The following FAM81A variants were observed in gnomAD, a reference collection of about 807,000 sequenced individuals.
FAM81A encodes the protein protein FAM81A.
A neutral mutation model predicts 46.7 loss-of-function variants in FAM81A; 19 were observed. That is an observed-to-expected ratio of 0.41 (90% confidence interval 0.28 to 0.60). The LOEUF (loss-of-function observed/expected upper bound fraction) is 0.60, where lower values mean the gene tolerates loss of function less well. FAM81A is among the 20% of genes least tolerant of loss of function. FAM81A has a pLI of 0.34. For missense variants in FAM81A, 377 were observed against 453.5 expected (o/e 0.83, Z 1.53); for synonymous variants, 183 against 152.9 (o/e 1.20, Z -1.45).
rs76903252 is a variant in FAM81A at position 59,450,974 on chromosome 15, C to G, written c.-77-7576C>G. ...GCAAGTCACAGGTCCCACCCACACTCAAAGGGAGAGGACCATGCAAGGTGT... is the reference window on the plus strand; with the variant it reads ...GCAAGTCACAGGTCCCACCCACACTGAAAGGGAGAGGACCATGCAAGGTGT... On this transcript the variant is annotated intron_variant, in intron 1 of 8. Coordinates refer to ENST00000288228, the MANE Select transcript of FAM81A (RefSeq NM_152450.3). Among the ~76,000 whole-genome samples, 357 of 152,286 alleles carry G rather than the reference C, an allele frequency of 2.3e-3. 2 individuals carry two copies. Among genetic ancestry groups the G allele is most frequent in the African/African-American group, 8.1e-3 (338 of 41,562 alleles).
chr15:59,429,099 G>C (rs1389422420), intron 2 of FAM81A, among the ~76,000 whole-genome samples: 3 of 152,166 alleles, frequency 2.0e-5, no homozygotes, highest in Non-Finnish European at 4.4e-5. Flanking sequence ...TTCTTGAATG[G>C]AAATAAGTTT....
rs79703674 is a variant in FAM81A at position 59,456,365 on chromosome 15, A to G, written c.-77-2185A>G. On this transcript the variant is annotated intron_variant, in intron 1 of 8. Transcript: ENST00000288228. Reference sequence around the variant, plus strand: ...AAATATGAGGGCGGAAGAACAGGTTAGGCAGGCCAGAGCATGTTCAGAAGA... The same window carrying G: ...AAATATGAGGGCGGAAGAACAGGTTGGGCAGGCCAGAGCATGTTCAGAAGA... Among the ~76,000 whole-genome samples, 28 of 152,282 alleles carry G rather than the reference A, an allele frequency of 1.8e-4. 1 individual carries two copies. The East Asian group carries it at 4.4e-3, about 24-fold the overall frequency.
At chr15:59,504,755 A>G (rs561138931) in intron 4 of FAM81A, among the ~76,000 whole-genome samples, 40 of 152,310 alleles carry the variant, frequency 2.6e-4, no homozygotes, top group Non-Finnish European at 4.0e-4. Flanking sequence ...TTTACCCTCA[A>G]TACTTAGAAG....
chr15:59,404,032 G>A (rs12898864), intron 2 of FAM81A, among the ~76,000 whole-genome samples: 86,702 of 151,616 alleles, frequency 0.57, 28,293 homozygotes, highest in Non-Finnish European at 0.73. Context: ...ACAGGCGTGC[G>A]CCACCATAGC....
chr15:59,451,026 GT>G (rs1567048619), intron 1 of FAM81A, among the ~76,000 whole-genome samples: 2 of 152,096 alleles, frequency 1.3e-5, no homozygotes, highest in Admixed American at 6.5e-5. Flanking sequence ...GGATGGTGTT[GT>G]GGGGGCACCC....
chr15:59,414,320 C>G (rs988616629), intron 2 of FAM81A, among the ~76,000 whole-genome samples: 1 of 152,100 alleles, frequency 6.6e-6, no homozygotes, highest in African/African-American at 2.4e-5. Flanking sequence ...CCTCACTCTC[C>G]GTGGGTTTCA....
chr15:59,514,522 G>C, intron 7 of FAM81A, 98 bp downstream of exon 7: 1 of 1,403,178 alleles, frequency 7.1e-7, no homozygotes, highest in South Asian at 1.6e-5. Flanking sequence ...TGATTTAGCT[G>C]TTCAATTGTT....
chr15:59,458,260 G>C (rs2081507696), intron 1 of FAM81A, among the ~76,000 whole-genome samples: 1 of 152,184 alleles, frequency 6.6e-6, no homozygotes, highest in Non-Finnish European at 1.5e-5. Flanking sequence ...TTGAGATGCA[G>C]ATTTGGAGTG....
intron 3 of FAM81A, among the ~76,000 whole-genome samples, chr15:59,483,559 C>G (rs538637330): frequency 3.9e-4 from 60 of 152,282 alleles, no homozygotes; most frequent in East Asian, 2.7e-3. Context: ...AATTACATCT[C>G]TACTTGGGCT....
At chr15:59,489,718 A>C (rs930259699) in intron 3 of FAM81A, among the ~76,000 whole-genome samples, 1 of 152,172 alleles carries the variant, frequency 6.6e-6, no homozygotes, top group Non-Finnish European at 1.5e-5. Flanking sequence ...ACATAGACCA[A>C]TGGAGCAGAA....
intron 4 of FAM81A, among the ~76,000 whole-genome samples, chr15:59,493,169 G>A (rs935850515): frequency 2.0e-5 from 3 of 152,210 alleles, no homozygotes; most frequent in Non-Finnish European, 4.4e-5. Context: ...TGGTCTGCAT[G>A]GAGTCGGGTG....
At chr15:59,469,233 T>A (rs1309442097) in intron 3 of FAM81A, among the ~76,000 whole-genome samples, 1 of 152,116 alleles carries the variant, frequency 6.6e-6, no homozygotes, top group Non-Finnish European at 1.5e-5. Flanking sequence ...GGTCTGCCTG[T>A]TGCAGAGCTG....
intron 4 of FAM81A, among the ~76,000 whole-genome samples, chr15:59,506,433 GCTGTTC>G (rs2082149844): frequency 2.0e-5 from 3 of 152,108 alleles, no homozygotes; most frequent in Admixed American, 6.6e-5. Context: ...AAGATGGAGT[GCTGTTC>G]TAGGCCCACC....
At chr15:59,417,644 G>C (rs1264809464) in intron 2 of FAM81A, among the ~76,000 whole-genome samples, 1 of 152,146 alleles carries the variant, frequency 6.6e-6, no homozygotes, top group Non-Finnish European at 1.5e-5. Context: ...GAACCTGGGA[G>C]GCAGAGGTTT....
chr15:59,458,667 C>A (rs750430200), intron 2 of FAM81A, 21 bp downstream of exon 2: 3 of 1,599,468 alleles, frequency 1.9e-6, no homozygotes, highest in South Asian at 1.1e-5. Flanking sequence ...CCTTTCCACT[C>A]ATCCCATGGG....
At position 59,495,643 on chromosome 15, in the gene FAM81A, T is replaced by C. The variant is rs183305809; in HGVS notation, c.413+3254T>C. ...CCACTTTACATTGCCCCCAGCAGTGTCTGAGGGCTCCGATTCCTTCACATC... is the reference window on the plus strand; with the variant it reads ...CCACTTTACATTGCCCCCAGCAGTGCCTGAGGGCTCCGATTCCTTCACATC... On this transcript the variant is annotated intron_variant, in intron 4 of 8. Transcript: ENST00000288228. 4.3e-3 allele frequency among the ~76,000 whole-genome samples: 653 copies of C among 152,322 alleles called. 3 individuals are homozygous for C. The highest frequency in any genetic ancestry group is 0.015 in the African/African-American group (618 of 41,576).
At position 59,460,196 on chromosome 15, in the gene FAM81A, G is replaced by A. The variant is rs748533274; in HGVS notation, c.284G>A (p.Arg95Gln). ...NITAIVKQLN[R>Q]DIEVLQEQIR... The stretch of plus-strand genomic sequence containing the variant: ...ACTGCCATAGTGAAGCAACTTAATC[G>A]GGATATCGAGGTAAGGTTTGTGAAA... Residue 95 changes from arginine (R) to glutamine (Q), a missense_variant, in exon 3 of 9, where the codon CGG becomes CAG. Transcript: ENST00000288228. This position sits in a 1 kb window ranked among gnomAD's most constrained non-coding sequence, Gnocchi z 4.4. 3 of 1,613,950 alleles carry A rather than the reference G, an allele frequency of 1.9e-6. No individual in the cohort carries two copies. The highest frequency in any genetic ancestry group is 2.5e-6 in the Non-Finnish European group (3 of 1,179,880).
chr15:59,448,998 G>A (rs2081383879), intron 1 of FAM81A, among the ~76,000 whole-genome samples: 1 of 152,134 alleles, frequency 6.6e-6, no homozygotes, highest in Non-Finnish European at 1.5e-5. Flanking sequence ...TGGATGTGCT[G>A]TGTTCTAACT....
chr15:59,424,747 C>G (rs1449343126), intron 2 of FAM81A, among the ~76,000 whole-genome samples: 4 of 152,222 alleles, frequency 2.6e-5, no homozygotes, highest in Admixed American at 6.5e-5. Context: ...CCTCTGCATT[C>G]TAGTCAAAGT....
Sources: gnomAD v4.1 joint callset for allele counts (sites outside exome capture counted in the v4.1 genomes callset) on GRCh38, gnomAD v4.1.1 for gene constraint, Gnocchi (gnomAD v3.1) non-coding constraint, MANE v1.5 for transcripts, NCBI Gene and HGNC (gene_info 2026-07-23, HGNC 2026-07-21) for gene names.